FBRSL1: variants seen among roughly 807,000 people sequenced by gnomAD.
The protein encoded by FBRSL1 is fibrosin like 1, also known as fibrosin-1-like protein.
In FBRSL1, 51 loss-of-function variants were observed where a neutral mutation model predicts 89.6. The observed-to-expected ratio is 0.57, with a 90% CI of 0.45 to 0.72. The LOEUF (loss-of-function observed/expected upper bound fraction) is 0.72. Among genes scored for constraint, FBRSL1 ranks in the 30% least tolerant of loss-of-function variants. The pLI is 0.00. For missense variants in FBRSL1, 1,618 were observed against 1,451.8 expected (o/e 1.11, Z -1.86); for synonymous variants, 779 against 681.1 (o/e 1.14, Z -2.24).
At chr12:132,493,225 G>A (rs1369402083) in intron 1 of FBRSL1, among the ~76,000 whole-genome samples, 2 of 152,224 alleles carry the variant, frequency 1.3e-5, no homozygotes, top group South Asian at 2.1e-4. Flanking sequence ...CCAGCCCAGA[G>A]GCACAGCCTG....
intron 5 of FBRSL1, chr12:132,551,699 C>T: frequency 4.9e-6 from 2 of 407,656 alleles, no homozygotes; most frequent in South Asian, 1.8e-5. Context: ...CCACCACCTC[C>T]CTCACACTGT....
intron 2 of FBRSL1, among the ~76,000 whole-genome samples, chr12:132,514,609 T>C (rs1334627431): frequency 1.3e-5 from 2 of 151,988 alleles, no homozygotes; most frequent in African/African-American, 4.8e-5. Context: ...GAAGAAGGGT[T>C]TTCATGCTGA....
At chr12:132,572,677 G>A in intron 11 of FBRSL1, 55 bp downstream of exon 11, 1 of 1,277,432 alleles carries the variant, frequency 7.8e-7, no homozygotes, top group Non-Finnish European at 1.1e-6. Context: ...GATTTTGGGG[G>A]GAGTGCATGA....
rs57794006 is a variant in FBRSL1, at chr12:132,546,884, C to T, written c.616-1119C>T. On this transcript the variant is annotated intron_variant, in intron 4 of 18. Transcript: ENST00000680143. This position sits in a 1 kb window ranked among gnomAD's most constrained non-coding sequence, Gnocchi z 4.0. The stretch of plus-strand genomic sequence containing the variant: ...ACTGTGAGCTCCGTCGCTGAACACT[C>T]GGCAGCCGCGGCTGCACATGGAGGG... Among the ~76,000 whole-genome samples, 464 of 152,368 alleles carry T rather than the reference C, an allele frequency of 3.0e-3. 1 individual carries two copies. Among genetic ancestry groups the T allele is most frequent in the African/African-American group, 0.011 (439 of 41,588 alleles).
chr12:132,558,987 T>A (rs1007056736), intron 5 of FBRSL1, among the ~76,000 whole-genome samples: 2 of 152,204 alleles, frequency 1.3e-5, no homozygotes, highest in Non-Finnish European at 2.9e-5. Context: ...CTCATCGCGT[T>A]TGAGTTCGCA....
rs963628203 is a variant in FBRSL1, at chr12:132,548,497, C to A, written c.645+465C>A. On this transcript the variant is annotated intron_variant, in intron 5 of 18. Transcript: ENST00000680143. ...GCAGCCTATGACCACATCACAGTCA[C>A]CCTCAGTGCTCAGGAGCAAGCAGGA... Among the ~76,000 whole-genome samples the A allele has an allele frequency of 2.2e-4, 34 of 152,326 alleles. 1 individual carries two copies. Among genetic ancestry groups the A allele is most frequent in the Admixed American group, 2.2e-3 (33 of 15,312 alleles).
intron 5 of FBRSL1, chr12:132,551,004 C>T (rs545563252): frequency 4.6e-4 from 114 of 249,640 alleles, no homozygotes; most frequent in Non-Finnish European, 7.8e-4. Flanking sequence ...CCCCACTGGC[C>T]GTCCCCAGCC....
At position 132,577,032 on chromosome 12, in the gene FBRSL1, G is replaced by T. The variant is rs1471954247; in HGVS notation, c.1834+101G>T. On this transcript the variant is annotated intron_variant, in intron 15 of 18. Coordinates refer to ENST00000680143, the MANE Select transcript of FBRSL1 (RefSeq NM_001367871.1). ...CAGGAGTGAGAGCGCTCTCTGGACC[G>T]CAGCACCAGCCTTTGCTTCTTGATG... is the stretch of plus-strand genomic sequence containing the variant. 2.8e-6 allele frequency: 4 copies of T among 1,427,494 alleles called. No homozygotes were observed. The Admixed American group carries it at 9.7e-5, about 34-fold the overall frequency. 88.4% of individuals were successfully genotyped at this position (1,427,494 alleles called of 1,614,324 possible).
chr12:132,583,006 C>T lies in FBRSL1; in HGVS notation c.2237C>T (p.Ala746Val). 1 of 1,455,108 alleles carries T rather than the reference C, an allele frequency of 6.9e-7. No homozygotes were observed. Among genetic ancestry groups the T allele is most frequent in the Middle Eastern group, 2.5e-4 (1 of 4,080 alleles). The allele number at this position is 1,455,108 out of a possible 1,614,324, so 90.1% of individuals were successfully genotyped here. The stretch of plus-strand genomic sequence containing the variant: ...GAGAAGACGCGCCTGCTGAGCCGGG[C>T]CTCGCCCGCCACCCCCGCTGGCCAC... Reference protein sequence around the residue: ...LLEKTRLLSRASPATPAGHPV... With the variant: ...LLEKTRLLSRVSPATPAGHPV... The change falls in exon 19 of 19, where the codon GCC becomes GTC. Residue 746 changes from alanine (A) to valine (V), a missense_variant. Physicochemically the swap from Ala to Val is moderately conservative, Grantham distance 64. Coordinates refer to ENST00000680143, the MANE Select transcript of FBRSL1 (RefSeq NM_001367871.1).
intron 9 of FBRSL1, 84 bp downstream of exon 9, chr12:132,571,315 C>T (rs1046126580): frequency 3.1e-5 from 48 of 1,537,510 alleles, no homozygotes; most frequent in Admixed American, 4.0e-5. Flanking sequence ...AGATCACGAG[C>T]TGCTCAGGCA....
In FBRSL1 at chr12:132,572,241, A is replaced by ACGGTGT. The variant is rs778110619; in HGVS notation, c.1378-44_1378-39dup. 33 of 1,527,830 alleles carry ACGGTGT rather than the reference A, an allele frequency of 2.2e-5. No homozygotes were observed. The East Asian group carries it at 4.4e-4, about 20-fold the overall frequency. The allele number at this position is 1,527,830 out of a possible 1,614,324, so 94.6% of individuals were successfully genotyped here. On this transcript the variant is annotated intron_variant, in intron 9 of 18. Transcript: ENST00000680143. ...GGTGGGCGGGGCCCGGGGCCCAGCA[A>ACGGTGT]CGGTGTCGTGTGTGCGGGGCCTCAC...
At chr12:132,497,671 A>C (rs1373251156) in intron 1 of FBRSL1, among the ~76,000 whole-genome samples, 1 of 152,086 alleles carries the variant, frequency 6.6e-6, no homozygotes, top group Non-Finnish European at 1.5e-5. Context: ...CCCAGGCTAG[A>C]ATCCAGGCTC....
chr12:132,567,415 T>TG, intron 5 of FBRSL1, 66 bp from the exon 6 acceptor site: 1 of 1,502,382 alleles, frequency 6.7e-7, no homozygotes, highest in South Asian at 1.2e-5. Flanking sequence ...GTGTGGGCAT[T>TG]GGGCGCAAGG....
In FBRSL1 at chr12:132,497,595, C is replaced by T. The variant is rs77076634; in HGVS notation, c.291+6734C>T. 3.5e-3 allele frequency among the ~76,000 whole-genome samples: 529 copies of T among 152,296 alleles called. 3 individuals carry two copies. The highest frequency in any genetic ancestry group is 0.011 in the African/African-American group (460 of 41,562). On this transcript the variant is annotated intron_variant, in intron 1 of 18. Coordinates refer to ENST00000680143, the MANE Select transcript of FBRSL1 (RefSeq NM_001367871.1). ...CTCAGCTCCTGCTTTCAGGAGCCCACGGGCCTGACCACCCTTCAGTGCCCC... is the reference window on the plus strand; with the variant it reads ...CTCAGCTCCTGCTTTCAGGAGCCCATGGGCCTGACCACCCTTCAGTGCCCC...
At chr12:132,525,026 C>G (rs893225585) in intron 2 of FBRSL1, among the ~76,000 whole-genome samples, 1 of 151,618 alleles carries the variant, frequency 6.6e-6, no homozygotes, top group Non-Finnish European at 1.5e-5. Context: ...CACGCATCGG[C>G]GCCCATGTTG....
At chr12:132,577,731 T>C (rs1313487312) in intron 15 of FBRSL1, among the ~76,000 whole-genome samples, 2 of 152,062 alleles carry the variant, frequency 1.3e-5, no homozygotes, top group African/African-American at 4.8e-5. Flanking sequence ...GGTGCTGATC[T>C]GTAGGCACCA....
At chr12:132,557,317 G>A (rs538906860) in intron 5 of FBRSL1, among the ~76,000 whole-genome samples, 6 of 152,310 alleles carry the variant, frequency 3.9e-5, no homozygotes, top group South Asian at 2.1e-4. Context: ...CCTGCTCTCC[G>A]GTGAATGCCT....
intron 2 of FBRSL1, chr12:132,509,221 C>G (rs561597252): frequency 3.7e-5 from 46 of 1,251,696 alleles, no homozygotes; most frequent in Middle Eastern, 3.1e-4. Flanking sequence ...CAGAACGGCC[C>G]GGCCCAGCGC....
chr12:132,570,191 C>A lies in FBRSL1; in HGVS notation c.957C>A (p.Gly319=). The A allele has an allele frequency of 6.6e-7, 1 of 1,505,606 alleles. No individual in the cohort carries two copies. Among genetic ancestry groups the A allele is most frequent in the Admixed American group, 2.1e-5 (1 of 46,652 alleles). 93.3% of individuals were successfully genotyped at this position (1,505,606 alleles called of 1,614,324 possible). ...CGACACACGTGCCTGCATCCCTGGGCGCCTTCGCGGGCCACAGCCAGGCGG... is the reference window on the plus strand; with the variant it reads ...CGACACACGTGCCTGCATCCCTGGGAGCCTTCGCGGGCCACAGCCAGGCGG... ...LLPTHVPASL[G]AFAGHSQAAA... is the part of the protein sequence containing the mutation. The change falls in exon 7 of 19, where the codon GGC becomes GGA. Residue 319 remains glycine (G), a synonymous_variant. Coordinates refer to ENST00000680143, the MANE Select transcript of FBRSL1 (RefSeq NM_001367871.1).
Sources: allele counts gnomAD v4.1 joint callset (sites outside exome capture counted in the v4.1 genomes callset), GRCh38; gene constraint gnomAD v4.1.1; non-coding constraint Gnocchi (gnomAD v3.1); transcripts MANE v1.5; gene names NCBI Gene and HGNC (gene_info 2026-07-23, HGNC 2026-07-21).